PCDHA8: variants seen among roughly 807,000 people sequenced by gnomAD.
The protein encoded by PCDHA8 is protocadherin alpha 8.
Under a neutral mutation model 61.8 loss-of-function variants are expected in PCDHA8, and 53 were observed. The ratio of observed to expected loss-of-function variants is 0.86; its 90% CI spans 0.69 to 1.08. PCDHA8 has a LOEUF of 1.08. Among genes scored for constraint, PCDHA8 ranks in the 50% least tolerant of loss-of-function variants. The probability of loss-of-function intolerance (pLI) is 0.00; values close to 1 mark genes in which losing one functional copy is unlikely to be tolerated. For synonymous variants in PCDHA8, 618 were observed against 556.6 expected (o/e 1.11, Z -1.55); for missense variants, 1,293 against 1,245.0 (o/e 1.04, Z -0.58).
chr5:140,928,657 G>A (rs781811102), intron 1 of PCDHA8: 11 of 1,614,102 alleles, frequency 6.8e-6, no homozygotes, highest in Non-Finnish European at 9.3e-6. Context: ...AGAGGATGCT[G>A]ACAGTGGTTC....
intron 1 of PCDHA8, among the ~76,000 whole-genome samples, chr5:140,942,908 G>A (rs187574457): frequency 2.6e-5 from 4 of 151,726 alleles, no homozygotes; most frequent in African/African-American, 9.7e-5. Flanking sequence ...AAGAATAAGC[G>A]TGAAGAAAAA....
chr5:141,010,293 G>T lies in PCDHA8; in HGVS notation c.*356G>T. 6.5e-7 allele frequency: 1 copy of T among 1,549,794 alleles called. No homozygotes were observed. Among genetic ancestry groups the T allele is most frequent in the Non-Finnish European group, 8.7e-7 (1 of 1,146,454 alleles). On this transcript the variant is annotated 3_prime_UTR_variant, in exon 4 of 4. Coordinates refer to ENST00000531613, the MANE Select transcript of PCDHA8 (RefSeq NM_018911.3). ...ATCCTGTCTTGATGACACTTGCAGG[G>T]CAGGCTGAAAAGTTTTGAGATTGAG...
intron 1 of PCDHA8, chr5:140,849,642 G>C (rs2150443693): frequency 3.8e-6 from 6 of 1,598,700 alleles, no homozygotes; most frequent in Admixed American, 3.4e-5. Flanking sequence ...AGATGCCAAC[G>C]GGCAGGTTAC....
intron 3 of PCDHA8, among the ~76,000 whole-genome samples, chr5:140,996,029 C>T (rs915903807): frequency 6.6e-6 from 1 of 152,184 alleles, no homozygotes; most frequent in Admixed American, 6.5e-5. Context: ...GTTTAATGCT[C>T]CTAGCACTTA....
intron 3 of PCDHA8, among the ~76,000 whole-genome samples, chr5:141,000,500 T>A (rs1440390927): frequency 5.7e-5 from 8 of 140,516 alleles, no homozygotes; most frequent in Non-Finnish European, 1.2e-4. Context: ...AGATCTCGGC[T>A]CACTGCAACC....
intron 1 of PCDHA8, among the ~76,000 whole-genome samples, chr5:140,946,570 C>G (rs1488950892): frequency 7.2e-6 from 1 of 138,492 alleles, no homozygotes; most frequent in Non-Finnish European, 1.5e-5. Context: ...ATAGAATCAA[C>G]TTAGGTGTTC....
chr5:140,994,052 C>T (rs2097593082), intron 3 of PCDHA8, among the ~76,000 whole-genome samples: 1 of 152,134 alleles, frequency 6.6e-6, no homozygotes, highest in African/African-American at 2.4e-5. Context: ...CAGTCCTGCC[C>T]TTATAAATCT....
At chr5:140,996,597 C>G (rs183031992) in intron 3 of PCDHA8, among the ~76,000 whole-genome samples, 47 of 152,304 alleles carry the variant, frequency 3.1e-4, no homozygotes, top group African/African-American at 1.1e-3. Context: ...CGCCTCCCCC[C>G]ATTTTCATTT....
chr5:141,000,828 G>A (rs1244334845), intron 3 of PCDHA8, among the ~76,000 whole-genome samples: 2 of 151,966 alleles, frequency 1.3e-5, no homozygotes, highest in African/African-American at 4.8e-5. Flanking sequence ...GATCACTTGA[G>A]TCCAGGAGAT....
chr5:140,881,269 GAAGT>G (rs1235494766), intron 1 of PCDHA8: 1 of 648,656 alleles, frequency 1.5e-6, no homozygotes, highest in African/African-American at 2.0e-5. Context: ...CAGTGATGAT[GAAGT>G]AAGATGGAGA....
intron 3 of PCDHA8, among the ~76,000 whole-genome samples, chr5:140,998,786 A>G (rs1210415944): frequency 1.3e-5 from 2 of 152,026 alleles, no homozygotes; most frequent in African/African-American, 4.8e-5. Flanking sequence ...CTGGTCTGGA[A>G]CCCCTGACCT....
intron 1 of PCDHA8, among the ~76,000 whole-genome samples, chr5:140,905,614 A>T (rs1167406063): frequency 6.6e-6 from 1 of 152,094 alleles, no homozygotes; most frequent in Non-Finnish European, 1.5e-5. Flanking sequence ...GAATCTATAG[A>T]TTGCTTTTGA....
intron 1 of PCDHA8, chr5:140,927,048 G>C: frequency 6.2e-7 from 1 of 1,612,122 alleles, no homozygotes; most frequent in Non-Finnish European, 8.5e-7. Flanking sequence ...CTATGTCCTC[G>C]CGGAACTTTC....
chr5:141,001,946 G>A (rs1554258360), intron 3 of PCDHA8, among the ~76,000 whole-genome samples: 4 of 147,266 alleles, frequency 2.7e-5, no homozygotes, highest in African/African-American at 1.1e-4. Flanking sequence ...CGGAAATAAG[G>A]AGGAGGGAGA....
chr5:140,989,085 C>T (rs1481898269), intron 3 of PCDHA8: 7 of 152,258 alleles, frequency 4.6e-5, no homozygotes, highest in Non-Finnish European at 7.4e-5. Context: ...CTCTGAAAAC[C>T]TTGTCAGGAG....
At chr5:140,949,603 A>G (rs1218724530) in intron 1 of PCDHA8, among the ~76,000 whole-genome samples, 3 of 151,662 alleles carry the variant, frequency 2.0e-5, no homozygotes, top group Non-Finnish European at 4.4e-5. Flanking sequence ...TGGCCATTCT[A>G]GTCTCATGTT....
chr5:140,988,574 T>C (rs538316418), intron 3 of PCDHA8, among the ~76,000 whole-genome samples: 1 of 152,342 alleles, frequency 6.6e-6, no homozygotes, highest in East Asian at 1.9e-4. Context: ...GAAAACACTC[T>C]GTACCTTCCA....
intron 1 of PCDHA8, among the ~76,000 whole-genome samples, chr5:140,898,461 G>T (rs1393934497): frequency 4.6e-5 from 7 of 152,102 alleles, no homozygotes; most frequent in Non-Finnish European, 8.8e-5. Flanking sequence ...TTTCCCCATT[G>T]CTTGTTTTTC....
At chr5:140,992,587 A>C (rs1393295001) in intron 3 of PCDHA8, among the ~76,000 whole-genome samples, 2 of 152,186 alleles carry the variant, frequency 1.3e-5, no homozygotes, top group African/African-American at 2.4e-5. Context: ...CCTTGTATGC[A>C]TCTAGCGTCT....
Sources: gnomAD v4.1 joint callset for allele counts (sites outside exome capture counted in the v4.1 genomes callset) on GRCh38, gnomAD v4.1.1 for gene constraint, MANE v1.5 for transcripts, NCBI Gene and HGNC (gene_info 2026-07-23, HGNC 2026-07-21) for gene names.